Variants in PXN observed in about 807,000 individuals in gnomAD.
The protein encoded by PXN is paxillin.
Under a neutral mutation model 103.6 loss-of-function variants are expected in PXN, and 61 were observed. The observed-to-expected ratio is 0.59, with a 90% CI of 0.48 to 0.73. The LOEUF is 0.73. PXN is among the 30% of genes least tolerant of loss of function. The pLI is 0.00. For missense variants in PXN, 1,274 were observed against 1,460.3 expected, an observed-to-expected ratio of 0.87 and a Z score of 2.08; for synonymous variants, 562 against 607.8, an observed-to-expected ratio of 0.92 and a Z score of 1.11.
Position 120,212,054 on chromosome 12 carries a change from C to T in PXN, c.*260G>A, listed in dbSNP as rs1268154750. ...ACGTACATGGGCTGGGGTGGAGCCC[C>T]CAGCCTCTACCCCTGGGGAGGATGG... On this transcript the variant is annotated 3_prime_UTR_variant, in exon 15 of 15. Transcript: ENST00000637617. This position sits in a 1 kb window ranked among gnomAD's most constrained non-coding sequence, Gnocchi z 7.2. The T allele has an allele frequency of 1.4e-6, 1 of 710,296 alleles. No homozygotes were observed. The highest frequency in any genetic ancestry group is 2.6e-6 in the Non-Finnish European group (1 of 384,628). The allele number at this position is 710,296 out of a possible 1,614,324, so 44.0% of individuals were successfully genotyped here.
chr12:120,219,939 C>T lies in PXN; in HGVS notation c.984G>A (p.Pro328=), dbSNP rs376688346. ...IPSPRGQGHT[P]EFPCTEQSGR... The stretch of plus-strand genomic sequence containing the variant: ...CACTCTGCTCAGTACAAGGGAACTC[C>T]GGAGTGTGGCCCTGGCCTCGAGGGG... Residue 328 remains proline (P), a synonymous_variant, in exon 7 of 15, where the codon CCG becomes CCA. Coordinates refer to ENST00000637617, the MANE Select transcript of PXN (RefSeq NM_001385981.1). This position sits in a 1 kb window ranked among gnomAD's most constrained non-coding sequence, Gnocchi z 6.5. 195 of 1,597,506 alleles carry T rather than the reference C, an allele frequency of 1.2e-4. No homozygotes were observed. In the East Asian group the frequency reaches 2.0e-3, roughly 17 times the overall value.
chr12:120,215,780 C>T lies in PXN; in HGVS notation c.2302-119G>A, dbSNP rs935848870. On this transcript the variant is annotated intron_variant, in intron 9 of 14. Coordinates refer to ENST00000637617, the MANE Select transcript of PXN (RefSeq NM_001385981.1). The surrounding 1 kb of genome is among the most constrained non-coding windows in gnomAD (Gnocchi z 4.9). The stretch of plus-strand genomic sequence containing the variant: ...TGAGATCTGAGGGTTTCTCCCCCAC[C>T]GGCAGGACCAAAATTGGGGGAAAAA... 7.8e-6 allele frequency: 10 copies of T among 1,277,282 alleles called. No homozygotes were observed. Among genetic ancestry groups the T allele is most frequent in the African/African-American group, 4.6e-5 (3 of 65,210 alleles). 79.1% of individuals were successfully genotyped at this position (1,277,282 alleles called of 1,614,324 possible). A position where few individuals can be genotyped will look rare whatever the true frequency, so the allele number is the denominator to read the frequency against.
chr12:120,221,561 A>G lies in PXN; in HGVS notation c.831+62T>C. Reference sequence around the variant, plus strand: ...AAGATCCAGCTACCCACACTGAGGTAAGGGAGGAGAAGGATGAGGGAGGGG... The same window carrying G: ...AAGATCCAGCTACCCACACTGAGGTGAGGGAGGAGAAGGATGAGGGAGGGG... On this transcript the variant is annotated intron_variant, in intron 6 of 14. Transcript: ENST00000637617. This position sits in a 1 kb window ranked among gnomAD's most constrained non-coding sequence, Gnocchi z 6.6. 6.7e-7 allele frequency: 1 copy of G among 1,488,854 alleles called. No homozygotes were observed. Among genetic ancestry groups the G allele is most frequent in the East Asian group, 2.5e-5 (1 of 40,330 alleles). The allele number at this position is 1,488,854 out of a possible 1,614,324, so 92.2% of individuals were successfully genotyped here.
intron 1 of PXN, among the ~76,000 whole-genome samples, chr12:120,231,787 C>A (rs1888098885): frequency 6.6e-6 from 1 of 152,224 alleles, no homozygotes; most frequent in Non-Finnish European, 1.5e-5. Flanking sequence ...GCAACTCCAG[C>A]AGTCACCCTG....
chr12:120,260,468 C>T (rs1272524148), intron 1 of PXN, among the ~76,000 whole-genome samples: 1 of 149,810 alleles, frequency 6.7e-6, no homozygotes, highest in Non-Finnish European at 1.5e-5. Context: ...ATGCCATTGC[C>T]CTCCAGCCTG....
intron 1 of PXN, among the ~76,000 whole-genome samples, chr12:120,253,995 C>G (rs1056126477): frequency 6.6e-6 from 1 of 152,156 alleles, no homozygotes; most frequent in Non-Finnish European, 1.5e-5. Flanking sequence ...ATTCTCCTGC[C>G]TCAGGCTCCC....
At chr12:120,263,495 T>C (rs1268107102) in intron 1 of PXN, among the ~76,000 whole-genome samples, 1 of 152,188 alleles carries the variant, frequency 6.6e-6, no homozygotes, top group Non-Finnish European at 1.5e-5. Context: ...GTCTTCTCGG[T>C]ATACAAGAGC....
intron 1 of PXN, among the ~76,000 whole-genome samples, chr12:120,262,158 G>GCCCCCCTAGCACTA: frequency 1.3e-5 from 2 of 152,080 alleles, no homozygotes; most frequent in African/African-American, 2.4e-5. Flanking sequence ...CAACTCCTCT[G>GCCCCCCTAGCACTA]CCCCCCTAGC....
Position 120,215,000 on chromosome 12 carries a change from TGAG to T in PXN, c.2575-5_2575-3del. On this transcript the variant is annotated splice_polypyrimidine_tract_variant and splice_region_variant and intron_variant, in intron 11 of 14. Coordinates refer to ENST00000637617, the MANE Select transcript of PXN (RefSeq NM_001385981.1). This position sits in a 1 kb window ranked among gnomAD's most constrained non-coding sequence, Gnocchi z 5.0. ...CGTCTTCCCCATGGCGGTCACAACCTGAGGAGGAGATGGAATGCGGTCCAGGGC... is the reference window on the plus strand; with the variant it reads ...CGTCTTCCCCATGGCGGTCACAACCTGAGGAGATGGAATGCGGTCCAGGGC... 6.2e-7 allele frequency: 1 copy of T among 1,612,902 alleles called. No homozygotes were observed.
chr12:120,215,256 C>A lies in PXN; in HGVS notation c.2421G>T (p.Lys807Asn). Reference protein sequence around the residue: ...QDEGGFMAQGKTGSSSPPGGP... With the variant: ...QDEGGFMAQGNTGSSSPPGGP... ...CCCCAGGGGGTGAGCTGCTCCCTGT[C>A]TTCCCCTGGGCCATGAACTGTGGAC... The change falls in exon 11 of 15, where the codon AAG (lysine) becomes AAT (asparagine). Residue 807 changes from lysine to asparagine, a missense_variant. By Grantham distance (94) the Lys-to-Asn change is moderately conservative. This residue lies in a region of PXN where 1,178 missense variants were observed against 1,309.0 expected (regional missense o/e 0.90). Coordinates refer to ENST00000637617, the MANE Select transcript of PXN (RefSeq NM_001385981.1). The surrounding 1 kb of genome is among the most constrained non-coding windows in gnomAD (Gnocchi z 4.9). The A allele has an allele frequency of 6.3e-7, 1 of 1,587,780 alleles. No homozygotes were observed. Among genetic ancestry groups the A allele is most frequent in the Non-Finnish European group, 8.6e-7 (1 of 1,168,094 alleles).
Position 120,215,258 on chromosome 12 carries a change from TC to T in PXN, c.2418del (p.Lys807ArgfsTer29). ...GQDEGGFMAQ[G>X]KTGSSSPPGG... is the part of the protein sequence containing the mutation. Reference sequence around the variant, plus strand: ...CCAGGGGGTGAGCTGCTCCCTGTCTTCCCCTGGGCCATGAACTGTGGACACG... The same window carrying T: ...CCAGGGGGTGAGCTGCTCCCTGTCTTCCCTGGGCCATGAACTGTGGACACG... On this transcript the variant is annotated frameshift_variant, in exon 11 of 15. Transcript: ENST00000637617. LOFTEE classifies it high-confidence loss of function. This position sits in a 1 kb window ranked among gnomAD's most constrained non-coding sequence, Gnocchi z 4.9. 2 of 1,586,918 alleles carry T rather than the reference TC, an allele frequency of 1.3e-6. No individual in the cohort carries two copies. The highest frequency in any genetic ancestry group is 1.8e-5 in the Admixed American group (1 of 55,972).
Position 120,223,728 on chromosome 12 carries a change from G to C in PXN, c.346C>G (p.His116Asp). ...SPCSRVGEEE[H>D]VYSFPNKQKS... ...AGACTGGGGCAGTACCTGTAGACGTGCTCCTCCTCACCCACTCGGGAGCAC... is the reference window on the plus strand; with the variant it reads ...AGACTGGGGCAGTACCTGTAGACGTCCTCCTCCTCACCCACTCGGGAGCAC... The change falls in exon 3 of 15, where the codon CAC (histidine) becomes GAC (aspartate). Residue 116 changes from histidine (H) to aspartate (D), a missense_variant. His to Asp is a moderately conservative substitution (Grantham distance 81). Around this residue, in one of 2 missense-constraint regions of PXN, gnomAD observed 1,178 missense variants for 1,309.0 expected, o/e 0.90. Transcript: ENST00000637617. 10 of 1,592,600 alleles carry C rather than the reference G, an allele frequency of 6.3e-6. No homozygotes were observed. The highest frequency in any genetic ancestry group is 8.6e-6 in the Non-Finnish European group (10 of 1,169,002).
intron 1 of PXN, among the ~76,000 whole-genome samples, chr12:120,253,281 T>A (rs1472266398): frequency 6.6e-6 from 1 of 152,090 alleles, no homozygotes; most frequent in African/African-American, 2.4e-5. Flanking sequence ...GAGACTAGCC[T>A]GACCATTATG....
In PXN at chr12:120,216,717, G is replaced by C; in HGVS notation, c.1992+124C>G. On this transcript the variant is annotated intron_variant, in intron 8 of 14. Transcript: ENST00000637617. The surrounding 1 kb of genome is among the most constrained non-coding windows in gnomAD (Gnocchi z 5.1). ...GTGGGGCCAGTCTTCCAAAGTCACA[G>C]GAGGCAAGAAACCCCCACCCTCTCC... The C allele has an allele frequency of 6.3e-7, 1 of 1,594,704 alleles. No homozygotes were observed. The highest frequency in any genetic ancestry group is 2.2e-5 in the East Asian group (1 of 44,568).
At chr12:120,261,606 C>T (rs1893897440) in intron 1 of PXN, among the ~76,000 whole-genome samples, 1 of 152,100 alleles carries the variant, frequency 6.6e-6, no homozygotes, top group African/African-American at 2.4e-5. Flanking sequence ...AGAGAAGCTT[C>T]AGAGTCAGAT....
In PXN at chr12:120,215,777, C is replaced by T. The variant is rs1396751942; in HGVS notation, c.2302-116G>A. ...GGATGAGATCTGAGGGTTTCTCCCC[C>T]ACCGGCAGGACCAAAATTGGGGGAA... On this transcript the variant is annotated intron_variant, in intron 9 of 14. Transcript: ENST00000637617. The surrounding 1 kb of genome is among the most constrained non-coding windows in gnomAD (Gnocchi z 4.9). The T allele has an allele frequency of 2.3e-6, 3 of 1,296,172 alleles. No homozygotes were observed. Among genetic ancestry groups the T allele is most frequent in the South Asian group, 1.8e-5 (1 of 56,958 alleles). 80.3% of individuals were successfully genotyped at this position (1,296,172 alleles called of 1,614,324 possible).
chr12:120,224,215 T>C lies in PXN; in HGVS notation c.176A>G (p.Asn59Ser), dbSNP rs746584702. ...GTCTAAGGGGTCAAGGATTGTGCCA[T>C]TGAGGGCCTCGCTGGACGGGGGTGG... ...VPPPPSSEAL[N>S]GTILDPLDQW... Residue 59 changes from asparagine to serine, a missense_variant, in exon 2 of 15, where the codon AAT (asparagine) becomes AGT (serine). Around this residue, in one of 2 missense-constraint regions of PXN, gnomAD observed 1,178 missense variants for 1,309.0 expected, o/e 0.90. Transcript: ENST00000637617. This position sits in a 1 kb window ranked among gnomAD's most constrained non-coding sequence, Gnocchi z 5.0. 5.0e-6 allele frequency: 8 copies of C among 1,612,054 alleles called. No individual in the cohort carries two copies. Among genetic ancestry groups the C allele is most frequent in the South Asian group, 2.2e-5 (2 of 90,868 alleles).
At chr12:120,230,315 C>T (rs1483355381) in intron 1 of PXN, among the ~76,000 whole-genome samples, 1 of 152,220 alleles carries the variant, frequency 6.6e-6, no homozygotes, top group African/African-American at 2.4e-5. Context: ...AAACAAGTCC[C>T]TGTCCTAGGG....
chr12:120,232,948 C>T (rs1888345348), intron 1 of PXN, among the ~76,000 whole-genome samples: 1 of 152,200 alleles, frequency 6.6e-6, no homozygotes, highest in Non-Finnish European at 1.5e-5. Flanking sequence ...CCCCAGTTCT[C>T]TTTTCTAAGT....
Sources: allele counts gnomAD v4.1 joint callset (sites outside exome capture counted in the v4.1 genomes callset), GRCh38; gene constraint gnomAD v4.1.1; regional missense constraint gnomAD v4.1.1; non-coding constraint Gnocchi (gnomAD v3.1); transcripts MANE v1.5; gene names NCBI Gene and HGNC (gene_info 2026-07-23, HGNC 2026-07-21).